PCBP3: variants seen among roughly 807,000 people sequenced by gnomAD.
PCBP3 encodes poly(rC) binding protein 3, also known as poly(rC)-binding protein 3.
Under a neutral mutation model 52.7 loss-of-function variants are expected in PCBP3, and 25 were observed. The ratio of observed to expected loss-of-function variants is 0.47; its 90% CI spans 0.35 to 0.66. PCBP3 has a LOEUF of 0.66. Ranked by LOEUF, PCBP3 falls within the 30% of genes least tolerant of loss-of-function variation. The probability of loss-of-function intolerance (pLI) is 0.01; values close to 1 mark genes in which losing one functional copy is unlikely to be tolerated. For missense variants in PCBP3, 391 were observed against 490.3 expected (o/e 0.80, Z 1.91); for synonymous variants, 162 against 183.0 (o/e 0.89, Z 0.93).
chr21:45,770,785 C>A (rs1375377843), intron 4 of PCBP3, among the ~76,000 whole-genome samples: 1 of 152,216 alleles, frequency 6.6e-6, no homozygotes, highest in Non-Finnish European at 1.5e-5. Flanking sequence ...GGCCTCTGGT[C>A]CCATGTGGCA....
At position 45,658,815 on chromosome 21, in the gene PCBP3, G is replaced by A. The variant is rs58614340; in HGVS notation, c.-278-10059G>A. ...ATCTGTTTCTAATTTTTCCTTGTGG[G>A]AAATTTTTAAAATACTGAATATCTT... On this transcript the variant is annotated intron_variant, in intron 1 of 17. Coordinates refer to ENST00000681687, the MANE Select transcript of PCBP3 (RefSeq NM_001384156.1). 4.6e-3 allele frequency among the ~76,000 whole-genome samples: 704 copies of A among 151,930 alleles called. 6 individuals are homozygous for A. Among genetic ancestry groups the A allele is most frequent in the African/African-American group, 0.016 (645 of 41,432 alleles).
At chr21:45,902,291 G>A (rs916899754) in intron 9 of PCBP3, among the ~76,000 whole-genome samples, 1 of 70,304 alleles carries the variant, frequency 1.4e-5, no homozygotes, top group Non-Finnish European at 2.8e-5. Context: ...TATCGTAGGT[G>A]GCCTGGCCTC....
chr21:45,931,634 G>A (rs9977801), intron 15 of PCBP3, among the ~76,000 whole-genome samples: 27 of 149,298 alleles, frequency 1.8e-4, no homozygotes, highest in Non-Finnish European at 2.5e-4. Context: ...CACCTGGGCC[G>A]TGCTGTCCTG....
intron 5 of PCBP3, among the ~76,000 whole-genome samples, chr21:45,892,482 C>CGGGGGGT (rs2095698995): frequency 1.7e-5 from 2 of 117,962 alleles, no homozygotes; most frequent in Non-Finnish European, 3.5e-5. Flanking sequence ...GGGGGGGGGG[C>CGGGGGGT]GGTCCCGTCT....
chr21:45,882,329 T>A (rs1024919451), intron 5 of PCBP3, among the ~76,000 whole-genome samples: 1 of 152,248 alleles, frequency 6.6e-6, no homozygotes, highest in Non-Finnish European at 1.5e-5. Flanking sequence ...TGTCTCCTTC[T>A]GAGAAGCTTC....
rs2092454593 is a variant in PCBP3 at position 45,805,236 on chromosome 21, C to T, written c.-125-44725C>T. Among the ~76,000 whole-genome samples, 1 of 152,172 alleles carries T rather than the reference C, an allele frequency of 6.6e-6. No individual in the cohort carries two copies. The stretch of plus-strand genomic sequence containing the variant: ...AGGGTCTAAGGCTGTTCCCCGGAAG[C>T]CTACCTTCTATAGGAAGAGGCATTC... On this transcript the variant is annotated intron_variant, in intron 4 of 17. Coordinates refer to ENST00000681687, the MANE Select transcript of PCBP3 (RefSeq NM_001384156.1). The surrounding 1 kb of genome is among the most constrained non-coding windows in gnomAD (Gnocchi z 4.6).
At chr21:45,731,335 C>A (rs190721627) in intron 2 of PCBP3, among the ~76,000 whole-genome samples, 5 of 152,164 alleles carry the variant, frequency 3.3e-5, no homozygotes, top group African/African-American at 1.2e-4. Flanking sequence ...CTGAAAACAC[C>A]GTTTTTAGGC....
intron 4 of PCBP3, among the ~76,000 whole-genome samples, chr21:45,790,708 G>A (rs1026936199): frequency 6.6e-6 from 1 of 152,080 alleles, no homozygotes; most frequent in African/African-American, 2.4e-5. Context: ...GGAGAGGAGA[G>A]ATAGTCTCAA....
intron 2 of PCBP3, chr21:45,732,648 T>C (rs1255324746): frequency 6.6e-6 from 1 of 152,112 alleles, no homozygotes. Flanking sequence ...TTTGAAAACT[T>C]TTTGTAATTT....
chr21:45,654,031 C>G lies in PCBP3; in HGVS notation c.-279+10163C>G, dbSNP rs977409595. On this transcript the variant is annotated intron_variant, in intron 1 of 17. Transcript: ENST00000681687. ...GAACTCTATGACCCCCCTCCAGATT[C>G]ATATGTGCTTATTATTATGCACTTT... is the stretch of plus-strand genomic sequence containing the variant. 2.6e-5 allele frequency among the ~76,000 whole-genome samples: 4 copies of G among 152,076 alleles called. No homozygotes were observed. In the South Asian group the frequency reaches 8.3e-4, roughly 32 times the overall value.
intron 4 of PCBP3, among the ~76,000 whole-genome samples, chr21:45,824,123 G>A (rs1603444558): frequency 6.6e-6 from 1 of 152,126 alleles, no homozygotes; most frequent in African/African-American, 2.4e-5. Flanking sequence ...GGCTATTTTT[G>A]ATGGTTTCAT....
At chr21:45,923,963 G>A (rs1343382972) in intron 13 of PCBP3, among the ~76,000 whole-genome samples, 1 of 67,432 alleles carries the variant, frequency 1.5e-5, no homozygotes, top group African/African-American at 9.6e-5. Flanking sequence ...GAGGAGATGC[G>A]AACACCGGGA....
intron 5 of PCBP3, among the ~76,000 whole-genome samples, chr21:45,854,748 T>C (rs1224069018): frequency 2.0e-5 from 3 of 152,226 alleles, no homozygotes. Flanking sequence ...AATAGAAGTG[T>C]TTTCTTAATT....
chr21:45,766,329 G>A (rs1319345981), intron 4 of PCBP3, among the ~76,000 whole-genome samples: 1 of 152,330 alleles, frequency 6.6e-6, no homozygotes, highest in East Asian at 1.9e-4. Context: ...GACTGCTTTT[G>A]GAGTCGGGGC....
In PCBP3 at chr21:45,829,247, T is replaced by G. The variant is rs2093384992; in HGVS notation, c.-125-20714T>G. 6.6e-6 allele frequency: 1 copy of G among 150,784 alleles called. No individual in the cohort carries two copies. The highest frequency in any genetic ancestry group is 2.4e-5 in the African/African-American group (1 of 41,282). The allele number at this position is 150,784 out of a possible 1,614,324, so 9.3% of individuals were successfully genotyped here. A position where few individuals can be genotyped will look rare whatever the true frequency, so the allele number is the denominator to read the frequency against. On this transcript the variant is annotated intron_variant, in intron 4 of 17. Coordinates refer to ENST00000681687, the MANE Select transcript of PCBP3 (RefSeq NM_001384156.1). This position sits in a 1 kb window ranked among gnomAD's most constrained non-coding sequence, Gnocchi z 5.2. ...TGGGGGCCTTCAGATTCTCTGAGATTCAAAGCTCTTTGGAGAGAGGACACT... is the reference window on the plus strand; with the variant it reads ...TGGGGGCCTTCAGATTCTCTGAGATGCAAAGCTCTTTGGAGAGAGGACACT...
chr21:45,797,224 A>G (rs544758036), intron 4 of PCBP3, among the ~76,000 whole-genome samples: 16 of 152,330 alleles, frequency 1.1e-4, no homozygotes, highest in African/African-American at 3.6e-4. Flanking sequence ...GCATGAATCC[A>G]TAAAGAAAGT....
chr21:45,678,201 G>A (rs746360482), intron 2 of PCBP3, among the ~76,000 whole-genome samples: 163 of 152,016 alleles, frequency 1.1e-3, no homozygotes, highest in Non-Finnish European at 1.8e-3. Context: ...AATTACTCGG[G>A]AGGCTGAGGC....
At chr21:45,707,171 T>C (rs1445944751) in intron 2 of PCBP3, among the ~76,000 whole-genome samples, 1 of 152,186 alleles carries the variant, frequency 6.6e-6, no homozygotes, top group East Asian at 1.9e-4. Context: ...TCTGGGGATC[T>C]AGGTCAGTGC....
rs1262995139 is a variant in PCBP3 at position 45,904,041 on chromosome 21, C to T, written c.339+2928C>T. On this transcript the variant is annotated intron_variant, in intron 9 of 17. Transcript: ENST00000681687. The surrounding 1 kb of genome is among the most constrained non-coding windows in gnomAD (Gnocchi z 4.8). ...TAGAGAAACAGATTTTCTCTGACGT[C>T]CCTTCCAGTAGACAAAATCTCCTGG... Among the ~76,000 whole-genome samples, 1 of 152,186 alleles carries T rather than the reference C, an allele frequency of 6.6e-6. No individual in the cohort carries two copies. Among genetic ancestry groups the T allele is most frequent in the Non-Finnish European group, 1.5e-5 (1 of 68,038 alleles).
Sources: gnomAD v4.1 joint callset for allele counts (sites outside exome capture counted in the v4.1 genomes callset) on GRCh38, gnomAD v4.1.1 for gene constraint, Gnocchi (gnomAD v3.1) non-coding constraint, MANE v1.5 for transcripts, NCBI Gene and HGNC (gene_info 2026-07-23, HGNC 2026-07-21) for gene names.